Variants in WWOX observed in about 807,000 individuals in gnomAD.
WWOX encodes WW domain-containing oxidoreductase.
WWOX carries 69 observed loss-of-function variants against 46.2 expected under a neutral mutation model. The ratio of observed to expected loss-of-function variants is 1.49; its 90% CI spans 1.23 to 1.82. The LOEUF is 1.82. Ranked by LOEUF, WWOX falls within the 40% of genes most tolerant of loss-of-function variation. WWOX has a pLI of 0.00. For synonymous variants in WWOX, 359 were observed against 202.6 expected (o/e 1.77, Z -6.56); for missense variants, 919 against 542.6 (o/e 1.69, Z -6.89).
chr16:78,581,521 T>G (rs1270647277), intron 8 of WWOX, among the ~76,000 whole-genome samples: 1 of 152,234 alleles, frequency 6.6e-6, no homozygotes, highest in South Asian at 2.1e-4. Flanking sequence ...CGTGCTAGTC[T>G]TGTCGTCTTA....
intron 8 of WWOX, among the ~76,000 whole-genome samples, chr16:79,185,568 G>A (rs996206961): frequency 6.6e-6 from 1 of 152,118 alleles, no homozygotes; most frequent in African/African-American, 2.4e-5. Flanking sequence ...AGAGCTCGCC[G>A]CACAGATCTC....
chr16:78,483,782 C>T (rs530204858), intron 8 of WWOX, among the ~76,000 whole-genome samples: 8 of 152,096 alleles, frequency 5.3e-5, no homozygotes, highest in African/African-American at 1.9e-4. Context: ...AATCAAGGCT[C>T]TTCTTGTTTA....
chr16:78,316,584 C>G (rs897048573), intron 5 of WWOX, among the ~76,000 whole-genome samples: 1 of 152,128 alleles, frequency 6.6e-6, no homozygotes, highest in African/African-American at 2.4e-5. Context: ...CTCAGGTGTT[C>G]TGCCCGTCTC....
intron 8 of WWOX, among the ~76,000 whole-genome samples, chr16:78,653,740 C>T (rs578062095): frequency 1.3e-5 from 2 of 152,166 alleles, no homozygotes; most frequent in East Asian, 1.9e-4. Flanking sequence ...CCTCCTAACC[C>T]GAACCTCCAC....
In WWOX at chr16:78,671,579, C is replaced by T. The variant is rs529556670; in HGVS notation, c.1056+238827C>T. Among the ~76,000 whole-genome samples, 78 of 152,174 alleles carry T rather than the reference C, an allele frequency of 5.1e-4. 1 individual carries two copies. The highest frequency in any genetic ancestry group is 1.7e-3 in the East Asian group (9 of 5,174). On this transcript the variant is annotated intron_variant, in intron 8 of 8. Coordinates refer to ENST00000566780, the MANE Select transcript of WWOX (RefSeq NM_016373.4). The stretch of plus-strand genomic sequence containing the variant: ...TTTTTATGATAACCTCATTAATTGC[C>T]GGTACTCTCAGAGCCCTGATTTTCT...
chr16:78,413,994 A>ATAG (rs1018191208), intron 6 of WWOX, among the ~76,000 whole-genome samples: 4 of 151,878 alleles, frequency 2.6e-5, no homozygotes, highest in African/African-American at 9.7e-5. Context: ...AAGAAGTGAA[A>ATAG]TAGCCAGTTC....
chr16:79,141,928 C>T (rs565559402), intron 8 of WWOX, among the ~76,000 whole-genome samples: 1 of 151,992 alleles, frequency 6.6e-6, no homozygotes, highest in Admixed American at 6.6e-5. Context: ...GTATGACTCT[C>T]CAGTGCTTCT....
chr16:78,432,253 A>G (rs1187459759), intron 7 of WWOX, among the ~76,000 whole-genome samples: 1 of 151,758 alleles, frequency 6.6e-6, no homozygotes, highest in Admixed American at 6.6e-5. Context: ...GTGTACAGGC[A>G]TGCCACCACA....
chr16:78,855,730 G>T (rs1348310988), intron 8 of WWOX, among the ~76,000 whole-genome samples: 1 of 152,188 alleles, frequency 6.6e-6, no homozygotes, highest in South Asian at 2.1e-4. Context: ...GGAGAGAGAC[G>T]CACCACCTCT....
At chr16:79,126,364 C>T (rs2049754395) in intron 8 of WWOX, among the ~76,000 whole-genome samples, 1 of 151,998 alleles carries the variant, frequency 6.6e-6, no homozygotes. Flanking sequence ...AATTGTAATC[C>T]CCACGTGTCA....
At chr16:78,968,177 G>T (rs1347024707) in intron 8 of WWOX, among the ~76,000 whole-genome samples, 4 of 150,770 alleles carry the variant, frequency 2.7e-5, no homozygotes, top group Admixed American at 1.3e-4. Context: ...CGCGTGGTCT[G>T]CGTGGCACAG....
At chr16:78,342,011 G>C (rs2081024592) in intron 5 of WWOX, among the ~76,000 whole-genome samples, 1 of 120,632 alleles carries the variant, frequency 8.3e-6, no homozygotes, top group African/African-American at 2.8e-5. Context: ...AGGTACTTCG[G>C]AGGCTGAGGC....
At chr16:78,557,723 TCTCA>T (rs917353555) in intron 8 of WWOX, among the ~76,000 whole-genome samples, 1 of 130,978 alleles carries the variant, frequency 7.6e-6, no homozygotes, top group Non-Finnish European at 1.6e-5. Flanking sequence ...GAGACAGGAG[TCTCA>T]CTCTGTTGTC....
intron 8 of WWOX, among the ~76,000 whole-genome samples, chr16:78,862,703 T>C (rs919248572): frequency 6.6e-6 from 1 of 152,174 alleles, no homozygotes; most frequent in Non-Finnish European, 1.5e-5. Context: ...AGCTGATGTC[T>C]CAGCTTGAAG....
At chr16:78,964,140 G>A (rs1280110050) in intron 8 of WWOX, among the ~76,000 whole-genome samples, 17 of 152,218 alleles carry the variant, frequency 1.1e-4, no homozygotes, top group Non-Finnish European at 2.4e-4. Flanking sequence ...GGTACCAGTA[G>A]AGTGGGGCAT....
chr16:78,619,192 T>A (rs1262877468), intron 8 of WWOX, among the ~76,000 whole-genome samples: 855 of 28,692 alleles, frequency 0.03, 253 homozygotes, highest in African/African-American at 0.043. Context: ...TATATATATA[T>A]ATATATATAT....
intron 8 of WWOX, among the ~76,000 whole-genome samples, chr16:78,580,809 T>C (rs955036971): frequency 2.0e-5 from 3 of 152,244 alleles, no homozygotes; most frequent in African/African-American, 7.2e-5. Flanking sequence ...ATGATGGCCT[T>C]CATTAGAATG....
chr16:78,320,393 G>A (rs1226738637), intron 5 of WWOX, among the ~76,000 whole-genome samples: 1 of 152,196 alleles, frequency 6.6e-6, no homozygotes, highest in African/African-American at 2.4e-5. Context: ...TGAACTCCAA[G>A]TAGACGGTTG....
chr16:79,210,901 G>C (rs190959013), intron 8 of WWOX, among the ~76,000 whole-genome samples: 2 of 152,318 alleles, frequency 1.3e-5, no homozygotes, highest in East Asian at 3.9e-4. Flanking sequence ...AGTGGGCTGG[G>C]AGGAAATGTA....
Sources: gnomAD v4.1 joint callset for allele counts (sites outside exome capture counted in the v4.1 genomes callset) on GRCh38, gnomAD v4.1.1 for gene constraint, MANE v1.5 for transcripts, NCBI Gene and HGNC (gene_info 2026-07-23, HGNC 2026-07-21) for gene names.